Variants in SPEG observed in about 807,000 individuals in gnomAD.
The protein encoded by SPEG is striated muscle preferentially expressed protein kinase.
In SPEG, 114 loss-of-function variants were observed where a neutral mutation model predicts 300.4. That is an observed-to-expected ratio of 0.38 (90% CI 0.33 to 0.44). The LOEUF is 0.44. Among genes scored for constraint, SPEG ranks in the 20% least tolerant of loss-of-function variants. The pLI, the probability that SPEG is intolerant of heterozygous loss-of-function variation, is 1.00. For synonymous variants in SPEG, 1,964 were observed against 2,018.9 expected (o/e 0.97, Z 0.73); for missense variants, 4,201 against 4,586.2 (o/e 0.92, Z 2.43).
chr2:219,442,405 T>G (rs1027655861), intron 1 of SPEG, among the ~76,000 whole-genome samples: 2 of 150,998 alleles, frequency 1.3e-5, no homozygotes, highest in Non-Finnish European at 3.0e-5. Flanking sequence ...ATCTTCTCTC[T>G]CCTCTGTCCA....
At chr2:219,471,766 T>C (rs1691895399) in intron 13 of SPEG, 102 bp from the exon 14 acceptor site, 1 of 1,455,228 alleles carries the variant, frequency 6.9e-7, no homozygotes, top group East Asian at 2.3e-5. Context: ...GCCTCCTCCC[T>C]GCAGTGGATG....
chr2:219,480,614 C>T lies in SPEG; in HGVS notation c.5343-57C>T, dbSNP rs927049005. The T allele has an allele frequency of 1.9e-6, 3 of 1,589,478 alleles. No homozygotes were observed. The highest frequency in any genetic ancestry group is 3.3e-5 in the Admixed American group (2 of 59,960). Reference sequence around the variant, plus strand: ...TCAGGTCAGCAGTAGCAAAGAACTGCTCCCTTCCAGTCAGAGAGGGGCGGT... The same window carrying T: ...TCAGGTCAGCAGTAGCAAAGAACTGTTCCCTTCCAGTCAGAGAGGGGCGGT... On this transcript the variant is annotated intron_variant, in intron 25 of 40. Transcript: ENST00000312358. The surrounding 1 kb of genome is among the most constrained non-coding windows in gnomAD (Gnocchi z 5.3).
At position 219,492,868 on chromosome 2, in the gene SPEG, C is replaced by G; in HGVS notation, c.*82C>G. The G allele has an allele frequency of 7.0e-7, 1 of 1,418,896 alleles. No individual in the cohort carries two copies. Among genetic ancestry groups the G allele is most frequent in the South Asian group, 1.2e-5 (1 of 81,718 alleles). The allele number at this position is 1,418,896 out of a possible 1,614,324, so 87.9% of individuals were successfully genotyped here. On this transcript the variant is annotated 3_prime_UTR_variant, in exon 41 of 41. Coordinates refer to ENST00000312358, the MANE Select transcript of SPEG (RefSeq NM_005876.5). ...GGACATTCCAGGGCCCACGCTGAGC[C>G]AGGCGGGCCTGGGGCTTCGGTTACC... is the stretch of plus-strand genomic sequence containing the variant.
In SPEG at chr2:219,473,429, G is replaced by C; in HGVS notation, c.4148-75G>C. On this transcript the variant is annotated intron_variant, in intron 16 of 40. Transcript: ENST00000312358. The surrounding 1 kb of genome is among the most constrained non-coding windows in gnomAD (Gnocchi z 4.6). ...AAAACGGAACTCAAGTGTTGATGAG[G>C]GGTGTTAGAGGAGTGGTGGGTGCTG... The C allele has an allele frequency of 7.2e-7, 1 of 1,390,546 alleles. No homozygotes were observed. Among genetic ancestry groups the C allele is most frequent in the South Asian group, 1.2e-5 (1 of 84,324 alleles). The allele number at this position is 1,390,546 out of a possible 1,614,324, so 86.1% of individuals were successfully genotyped here. A position where few individuals can be genotyped will look rare whatever the true frequency, so the allele number is the denominator to read the frequency against.
Position 219,451,230 on chromosome 2 carries a change from G to A in SPEG, c.2208G>A (p.Gly736=), listed in dbSNP as rs757988015. The part of the protein sequence containing the change: ...IPLQNVVVAP[G]ADVLLKCIIT... ...TGCAGAATGTGGTGGTGGCACCAGG[G>A]GCAGATGTGCTGCTCAAGTGTATCA... The change falls in exon 5 of 41, where the codon GGG becomes GGA. Residue 736 remains glycine (G), a synonymous_variant. Coordinates refer to ENST00000312358, the MANE Select transcript of SPEG (RefSeq NM_005876.5). The surrounding 1 kb of genome is among the most constrained non-coding windows in gnomAD (Gnocchi z 6.4). The A allele has an allele frequency of 1.5e-5, 25 of 1,613,752 alleles. No homozygotes were observed. The highest frequency in any genetic ancestry group is 1.7e-6 in the Non-Finnish European group (2 of 1,179,982).
Position 219,443,994 on chromosome 2 carries a change from C to A in SPEG, c.389-659C>A. Reference sequence around the variant, plus strand: ...CACAAACGCTCTGATAACAGTCTGTCCCTGTCTCTCTCCTGCTGCTCCTAT... The same window carrying A: ...CACAAACGCTCTGATAACAGTCTGTACCTGTCTCTCTCCTGCTGCTCCTAT... On this transcript the variant is annotated intron_variant, in intron 1 of 40. Coordinates refer to ENST00000312358, the MANE Select transcript of SPEG (RefSeq NM_005876.5). The surrounding 1 kb of genome is among the most constrained non-coding windows in gnomAD (Gnocchi z 4.6). 7.3e-7 allele frequency: 1 copy of A among 1,362,130 alleles called. No homozygotes were observed. Among genetic ancestry groups the A allele is most frequent in the Non-Finnish European group, 9.8e-7 (1 of 1,019,710 alleles). 84.4% of individuals were successfully genotyped at this position (1,362,130 alleles called of 1,614,324 possible).
At position 219,483,521 on chromosome 2, in the gene SPEG, C is replaced by G; in HGVS notation, c.6058C>G (p.Leu2020Val). The change falls in exon 30 of 41, where the codon CTG becomes GTG. Residue 2020 changes from leucine (L) to valine (V), a missense_variant. Leu to Val is a conservative substitution (Grantham distance 32). Transcript: ENST00000312358. ...LRRGSSAESA[L>V]PRAGPRELGR... is the part of the protein sequence containing the mutation. The stretch of plus-strand genomic sequence containing the variant: ...CAGGGGCAGCTCGGCTGAGAGCGCC[C>G]TGCCCCGGGCCGGGCCGCGGGAGCT... 1 of 1,407,874 alleles carries G rather than the reference C, an allele frequency of 7.1e-7. No homozygotes were observed. The highest frequency in any genetic ancestry group is 1.5e-5 in the African/African-American group (1 of 65,794). 87.2% of individuals were successfully genotyped at this position (1,407,874 alleles called of 1,614,324 possible).
Position 219,484,905 on chromosome 2 carries a change from C to T in SPEG, c.7442C>T (p.Ser2481Leu), listed in dbSNP as rs1343314943. Residue 2481 changes from serine to leucine, a missense_variant, in exon 30 of 41, where the codon TCG becomes TTG. Transcript: ENST00000312358. ...SGSSEDSGGA[S>L]GRSTPLFGRL... ...AGCAGCGAGGACTCGGGGGGCGCGT[C>T]GGGCCGCAGCACGCCGCTGTTCGGA... 31 of 1,525,638 alleles carry T rather than the reference C, an allele frequency of 2.0e-5. No homozygotes were observed. Among genetic ancestry groups the T allele is most frequent in the Non-Finnish European group, 2.4e-5 (28 of 1,143,740 alleles). The allele number at this position is 1,525,638 out of a possible 1,614,324, so 94.5% of individuals were successfully genotyped here.
At chr2:219,435,840 C>G (rs1033320575) in intron 1 of SPEG, among the ~76,000 whole-genome samples, 1 of 152,198 alleles carries the variant, frequency 6.6e-6, no homozygotes, top group Non-Finnish European at 1.5e-5. Context: ...CCCTGCAGGC[C>G]ATTGCCGTGG....
rs976533181 is a variant in SPEG at position 219,492,048 on chromosome 2, C to T, written c.9462-63C>T. On this transcript the variant is annotated intron_variant, in intron 39 of 40. Transcript: ENST00000312358. ...AGCACTGTGCACCTGACACTAATGT[C>T]CTTCTGGGTCTGGGTGTTGGCCTCC... 9.1e-6 allele frequency: 14 copies of T among 1,546,326 alleles called. No homozygotes were observed. The African/African-American group carries it at 1.8e-4, about 20-fold the overall frequency.
rs1692689503 is a variant in SPEG, at chr2:219,480,020, A to G, written c.5222A>G (p.Asp1741Gly). The change falls in exon 25 of 41, where the codon GAC becomes GGC. Residue 1741 changes from aspartate to glycine, a missense_variant. Coordinates refer to ENST00000312358, the MANE Select transcript of SPEG (RefSeq NM_005876.5). This position sits in a 1 kb window ranked among gnomAD's most constrained non-coding sequence, Gnocchi z 5.3. Reference protein sequence around the residue: ...AAGEQQVRICDFGNAQELTPG... With the variant: ...AAGEQQVRICGFGNAQELTPG... ...GGCGAGCAGCAGGTGCGGATCTGTG[A>G]CTTTGGGAATGCCCAGGAGCTGACT... The G allele has an allele frequency of 6.2e-7, 1 of 1,613,918 alleles. No individual in the cohort carries two copies. The highest frequency in any genetic ancestry group is 1.1e-5 in the South Asian group (1 of 91,080).
intron 8 of SPEG, among the ~76,000 whole-genome samples, chr2:219,463,747 A>G (rs747321471): frequency 1.3e-5 from 2 of 151,638 alleles, no homozygotes; most frequent in Non-Finnish European, 2.9e-5. Context: ...GTTTTTTCAT[A>G]TCCCTTTTGG....
chr2:219,452,401 T>C (rs527409612), intron 6 of SPEG, among the ~76,000 whole-genome samples: 10 of 152,328 alleles, frequency 6.6e-5, no homozygotes, highest in Admixed American at 6.5e-4. Flanking sequence ...CTACTTTCTT[T>C]GGGATTCAGC....
At position 219,449,089 on chromosome 2, in the gene SPEG, C is replaced by A; in HGVS notation, c.1931C>A (p.Ala644Asp). ...CAGGCCGTGCGCTTCCTGCCCTGGG[C>A]CACGCCGGGCCTGGAGGGCGCTGCT... ...PAQAVRFLPW[A>D]TPGLEGAAVP... is the part of the protein sequence containing the mutation. Residue 644 changes from alanine (A) to aspartate (D), a missense_variant, in exon 4 of 41, where the codon GCC (alanine) becomes GAC (aspartate). Physicochemically the swap from Ala to Asp is moderately radical, Grantham distance 126. This residue lies in a region of SPEG where 1,258 missense variants were observed against 1,293.9 expected (regional missense o/e 0.97). Transcript: ENST00000312358. 4 of 1,503,300 alleles carry A rather than the reference C, an allele frequency of 2.7e-6. No homozygotes were observed. Among genetic ancestry groups the A allele is most frequent in the Non-Finnish European group, 3.5e-6 (4 of 1,127,084 alleles). 93.1% of individuals were successfully genotyped at this position (1,503,300 alleles called of 1,614,324 possible). A position where few individuals can be genotyped will look rare whatever the true frequency, so the allele number is the denominator to read the frequency against.
chr2:219,489,602 C>T lies in SPEG; in HGVS notation c.8584C>T (p.Leu2862=). ...LQAARPAEPT[L]PSTHVTPSEP... is the part of the protein sequence containing the mutation. ...GGCTGCCCGGCCAGCGGAGCCCACC[C>T]TACCCAGTACCCACGTCACCCCAAG... Residue 2862 remains leucine (L), a synonymous_variant, in exon 36 of 41, where the codon CTA becomes TTA. Coordinates refer to ENST00000312358, the MANE Select transcript of SPEG (RefSeq NM_005876.5). 2 of 1,613,780 alleles carry T rather than the reference C, an allele frequency of 1.2e-6. No homozygotes were observed. The highest frequency in any genetic ancestry group is 1.3e-5 in the African/African-American group (1 of 75,022).
chr2:219,489,009 G>T (rs746709338), intron 34 of SPEG, 45 bp from the exon 35 acceptor site: 4 of 1,609,084 alleles, frequency 2.5e-6, no homozygotes, highest in Non-Finnish European at 2.5e-6. Context: ...GGGAGCTGGG[G>T]CCACCGCTTC....
chr2:219,473,890 A>G lies in SPEG; in HGVS notation c.4434A>G (p.Thr1478=). The part of the protein sequence containing the change: ...NRHGTQTCSV[T]LELAEAPRFE... ...ACGGCACACAGACCTGCTCGGTCACATTGGAGCTGGCAGGTGGGTGACAGC... is the reference window on the plus strand; with the variant it reads ...ACGGCACACAGACCTGCTCGGTCACGTTGGAGCTGGCAGGTGGGTGACAGC... The change falls in exon 18 of 41, where the codon ACA becomes ACG. Residue 1478 remains threonine (T), a synonymous_variant. Coordinates refer to ENST00000312358, the MANE Select transcript of SPEG (RefSeq NM_005876.5). This position sits in a 1 kb window ranked among gnomAD's most constrained non-coding sequence, Gnocchi z 4.6. The G allele has an allele frequency of 6.2e-7, 1 of 1,608,260 alleles. No homozygotes were observed.
At chr2:219,491,756 C>A in intron 38 of SPEG, 38 bp from the exon 39 acceptor site, 4 of 1,587,884 alleles carry the variant, frequency 2.5e-6, no homozygotes, top group Non-Finnish European at 3.5e-6. Context: ...TCCCTGCCAC[C>A]AGGAAGCTGG....
In SPEG at chr2:219,477,216, C is replaced by CGGGGCCTGGTACAGCTGCT; in HGVS notation, c.4561-61_4561-60insGGGGCCTGGTACAGCTGCT. On this transcript the variant is annotated intron_variant, in intron 19 of 40. Transcript: ENST00000312358. This position sits in a 1 kb window ranked among gnomAD's most constrained non-coding sequence, Gnocchi z 6.4. ...GCGCTGCCCAGAGTAGGAGATGAGG[C>CGGGGCCTGGTACAGCTGCT]CCTGGCCCCAAGGTAGAGATGAGGC... 2.7e-6 allele frequency: 4 copies of CGGGGCCTGGTACAGCTGCT among 1,467,326 alleles called. No individual in the cohort carries two copies. In the East Asian group the frequency reaches 9.2e-5, roughly 34 times the overall value. 90.9% of individuals were successfully genotyped at this position (1,467,326 alleles called of 1,614,324 possible).
Sources: allele counts gnomAD v4.1 joint callset (sites outside exome capture counted in the v4.1 genomes callset), GRCh38; gene constraint gnomAD v4.1.1; regional missense constraint gnomAD v4.1.1; non-coding constraint Gnocchi (gnomAD v3.1); transcripts MANE v1.5; gene names NCBI Gene and HGNC (gene_info 2026-07-23, HGNC 2026-07-21).